Variants in ZDHHC14 observed in about 807,000 individuals in gnomAD.
The protein encoded by ZDHHC14 is zDHHC palmitoyltransferase 14.
A neutral mutation model predicts 47.7 loss-of-function variants in ZDHHC14; 16 were observed. That is an observed-to-expected ratio of 0.34 (90% CI 0.23 to 0.51). ZDHHC14 has a LOEUF of 0.51. Ranked by LOEUF, ZDHHC14 falls within the 20% of genes least tolerant of loss-of-function variation. ZDHHC14 has a pLI of 0.97. For missense variants in ZDHHC14, 515 were observed against 662.5 expected, an observed-to-expected ratio of 0.78 and a Z score of 2.44; for synonymous variants, 293 against 278.9, an observed-to-expected ratio of 1.05 and a Z score of -0.50.
At chr6:157,382,408 T>G (rs1777232823) in intron 1 of ZDHHC14, 142 bp downstream of exon 1, 2 of 1,067,120 alleles carry the variant, frequency 1.9e-6, no homozygotes, top group Admixed American at 6.3e-5. Flanking sequence ...CCCTCTTTTT[T>G]CTTTTAAAGG....
intron 3 of ZDHHC14, among the ~76,000 whole-genome samples, chr6:157,599,769 A>C (rs1324579881): frequency 6.6e-6 from 1 of 152,400 alleles, no homozygotes; most frequent in African/African-American, 2.4e-5. Flanking sequence ...ATAGGTTGCC[A>C]AATCTAATTC....
At chr6:157,518,600 C>A (rs897305798) in intron 1 of ZDHHC14, among the ~76,000 whole-genome samples, 4 of 152,150 alleles carry the variant, frequency 2.6e-5, no homozygotes, top group Admixed American at 2.0e-4. Flanking sequence ...GGTGCACCAG[C>A]GGATGGGGCT....
At chr6:157,665,889 G>A (rs1778532362) in intron 8 of ZDHHC14, among the ~76,000 whole-genome samples, 1 of 152,322 alleles carries the variant, frequency 6.6e-6, no homozygotes, top group South Asian at 2.1e-4. Context: ...TGTGATGGGT[G>A]TGACCACAGG....
At chr6:157,655,441 T>TGCAA (rs1778042156) in intron 8 of ZDHHC14, among the ~76,000 whole-genome samples, 2 of 152,340 alleles carry the variant, frequency 1.3e-5, no homozygotes, top group East Asian at 1.9e-4. Context: ...ACTGCATGCC[T>TGCAA]GCAAGCGCAC....
At chr6:157,574,914 T>A (rs1250980870) in intron 2 of ZDHHC14, among the ~76,000 whole-genome samples, 2 of 152,258 alleles carry the variant, frequency 1.3e-5, no homozygotes, top group African/African-American at 2.4e-5. Flanking sequence ...TCTTGGCCTC[T>A]GTATTATTCA....
chr6:157,611,399 G>A (rs1784744817), intron 3 of ZDHHC14, among the ~76,000 whole-genome samples: 1 of 152,144 alleles, frequency 6.6e-6, no homozygotes, highest in African/African-American at 2.4e-5. Flanking sequence ...TTTATTCTGT[G>A]CATTTATTTA....
At chr6:157,567,586 C>T (rs903516281) in intron 2 of ZDHHC14, among the ~76,000 whole-genome samples, 3 of 152,058 alleles carry the variant, frequency 2.0e-5, no homozygotes, top group East Asian at 3.9e-4. Flanking sequence ...GAGGTTGAGG[C>T]GGGTGGATCA....
chr6:157,414,820 G>GC (rs1777940801), intron 1 of ZDHHC14, among the ~76,000 whole-genome samples: 1 of 81,258 alleles, frequency 1.2e-5, no homozygotes, highest in Non-Finnish European at 2.3e-5. Context: ...CAGGTTTGCA[G>GC]CTTTTTTTTT....
chr6:157,661,759 G>A lies in ZDHHC14; in HGVS notation c.1068+8132G>A, dbSNP rs189484224. ...GTTCACCTCCCTGGCCTGTAGTGAG[G>A]ATTGACTGAGATTCTATTTCCTCTT... On this transcript the variant is annotated intron_variant, in intron 8 of 8. Coordinates refer to ENST00000359775, the MANE Select transcript of ZDHHC14 (RefSeq NM_024630.3). Among the ~76,000 whole-genome samples the A allele has an allele frequency of 3.3e-5, 5 of 152,316 alleles. No homozygotes were observed. The East Asian group carries it at 7.7e-4, about 23-fold the overall frequency.
chr6:157,397,980 A>C (rs12202665), intron 1 of ZDHHC14, among the ~76,000 whole-genome samples: 2,538 of 152,044 alleles, frequency 0.017, 26 homozygotes, highest in African/African-American at 0.021. Flanking sequence ...TCCAGCCTGG[A>C]AGGCAGCATG....
intron 2 of ZDHHC14, among the ~76,000 whole-genome samples, chr6:157,565,518 A>T (rs1174145871): frequency 6.6e-6 from 1 of 152,140 alleles, no homozygotes; most frequent in Non-Finnish European, 1.5e-5. Context: ...GGGTCAGTGG[A>T]GTCAAAAGAT....
chr6:157,409,232 G>A (rs915987054), intron 1 of ZDHHC14, among the ~76,000 whole-genome samples: 1 of 152,192 alleles, frequency 6.6e-6, no homozygotes, highest in African/African-American at 2.4e-5. Context: ...CTGCTTCCGC[G>A]TCCCAGGGGG....
rs144188660 is a variant in ZDHHC14, at chr6:157,614,244, G to A, written c.566-14105G>A. ...CCCCACTGTGTGGTGTTTCATAAGG[G>A]AGCAGCCCCACCTCCAGGAACTTCA... On this transcript the variant is annotated intron_variant, in intron 3 of 8. Coordinates refer to ENST00000359775, the MANE Select transcript of ZDHHC14 (RefSeq NM_024630.3). Among the ~76,000 whole-genome samples, 173 of 152,188 alleles carry A rather than the reference G, an allele frequency of 1.1e-3. 2 individuals carry two copies. Among genetic ancestry groups the A allele is most frequent in the African/African-American group, 4.0e-3 (166 of 41,536 alleles).
chr6:157,628,681 CCCCCACT>C, intron 4 of ZDHHC14, 195 bp downstream of exon 4: 1 of 643,296 alleles, frequency 1.6e-6, no homozygotes, highest in Non-Finnish European at 2.6e-6. Context: ...CCCCTGTCAT[CCCCCACT>C]CCCCACCCCA....
At chr6:157,612,332 A>G (rs1458022294) in intron 3 of ZDHHC14, among the ~76,000 whole-genome samples, 1 of 152,180 alleles carries the variant, frequency 6.6e-6, no homozygotes, top group Non-Finnish European at 1.5e-5. Context: ...CATCAGAGTG[A>G]CCGTTTCCAA....
At position 157,486,871 on chromosome 6, in the gene ZDHHC14, T is replaced by C. The variant is rs1170941809; in HGVS notation, c.246-55714T>C. 4.6e-5 allele frequency among the ~76,000 whole-genome samples: 7 copies of C among 152,240 alleles called. 1 individual carries two copies. In the East Asian group the frequency reaches 1.3e-3, roughly 29 times the overall value. On this transcript the variant is annotated intron_variant, in intron 1 of 8. Coordinates refer to ENST00000359775, the MANE Select transcript of ZDHHC14 (RefSeq NM_024630.3). ...AGTGTGGTGAGCTGAGAACTGGGCC[T>C]CATATGAGGTGAGGAGACGCAGGAG...
Position 157,416,972 on chromosome 6 carries a change from G to GTTTTTTTTTTTTTT in ZDHHC14, c.245+34722_245+34735dup, listed in dbSNP as rs71027335. On this transcript the variant is annotated intron_variant, in intron 1 of 8. Transcript: ENST00000359775. The stretch of plus-strand genomic sequence containing the variant: ...AGGTGCCCGCCACCATGCCTGGCTA[G>GTTTTTTTTTTTTTT]TTTTTTTTTTTTTTTTTTTTTTTTT... Among the ~76,000 whole-genome samples, 94 of 45,554 alleles carry GTTTTTTTTTTTTTT rather than the reference G, an allele frequency of 2.1e-3. 6 individuals carry two copies. Among genetic ancestry groups the GTTTTTTTTTTTTTT allele is most frequent in the Middle Eastern group, 0.017 (1 of 58 alleles). 29.9% of individuals were successfully genotyped at this position (45,554 alleles called of 152,430 possible). A position where few individuals can be genotyped will look rare whatever the true frequency, so the allele number is the denominator to read the frequency against.
At chr6:157,510,957 A>G (rs1562454425) in intron 1 of ZDHHC14, among the ~76,000 whole-genome samples, 1 of 152,254 alleles carries the variant, frequency 6.6e-6, no homozygotes, top group Non-Finnish European at 1.5e-5. Context: ...TTAAAAATGT[A>G]TATGTTTGTT....
At chr6:157,596,678 C>T (rs145188039) in intron 3 of ZDHHC14, among the ~76,000 whole-genome samples, 2,280 of 152,212 alleles carry the variant, frequency 0.015, 50 homozygotes, top group African/African-American at 0.051. Context: ...TGTCTGAACG[C>T]TCCCAGCTGT....
Sources: allele counts gnomAD v4.1 joint callset (sites outside exome capture counted in the v4.1 genomes callset), GRCh38; gene constraint gnomAD v4.1.1; transcripts MANE v1.5; gene names NCBI Gene and HGNC (gene_info 2026-07-23, HGNC 2026-07-21).